ZDHHC15: variants seen among roughly 807,000 people sequenced by gnomAD.
The protein encoded by ZDHHC15 is palmitoyltransferase ZDHHC15.
In ZDHHC15, 19 loss-of-function variants were observed where a neutral mutation model predicts 31.7. That is an observed-to-expected ratio of 0.60 (90% CI 0.42 to 0.88). The LOEUF (loss-of-function observed/expected upper bound fraction) is 0.88. ZDHHC15 is among the 40% of genes least tolerant of loss of function. The pLI, the probability that ZDHHC15 is intolerant of heterozygous loss-of-function variation, is 0.00. For missense variants in ZDHHC15, 209 were observed against 251.2 expected (o/e 0.83, Z 1.14); for synonymous variants, 103 against 90.0 (o/e 1.14, Z -0.82).
chrX:75,479,899 G>C (rs373735413), intron 2 of ZDHHC15, among the ~76,000 whole-genome samples: 2 of 111,639 alleles, frequency 1.8e-5, no homozygotes, highest in African/African-American at 6.5e-5. Flanking sequence ...TTTGAAGTGT[G>C]GGTTGTACTT....
chrX:75,490,580 G>A (rs1266955766), intron 2 of ZDHHC15, among the ~76,000 whole-genome samples: 1 of 111,565 alleles, frequency 9.0e-6, no homozygotes, highest in Non-Finnish European at 1.9e-5. Flanking sequence ...ATTACCTTGG[G>A]CAGTATGGCA....
intron 4 of ZDHHC15, among the ~76,000 whole-genome samples, chrX:75,446,397 T>A (rs2084034262): frequency 1.8e-5 from 2 of 111,620 alleles, no homozygotes; most frequent in South Asian, 7.5e-4. Context: ...TTAGAATAGT[T>A]CTTCTCACTC....
At chrX:75,461,586 A>G (rs1002078009) in intron 3 of ZDHHC15, among the ~76,000 whole-genome samples, 2 of 112,183 alleles carry the variant, frequency 1.8e-5, no homozygotes, top group Admixed American at 1.9e-4. Flanking sequence ...CAGATCTCCC[A>G]GTGGAAACCC....
intron 2 of ZDHHC15, among the ~76,000 whole-genome samples, chrX:75,493,579 C>T (rs1170642692): frequency 8.9e-6 from 1 of 111,762 alleles, no homozygotes. Context: ...AAAAGCTTAT[C>T]CACCATGATC....
chrX:75,399,236 TA>T (rs750843142), intron 10 of ZDHHC15, among the ~76,000 whole-genome samples: 1 of 111,529 alleles, frequency 9.0e-6, no homozygotes, highest in African/African-American at 3.3e-5. Context: ...ACTAAGCTAG[TA>T]CCAACTCAGC....
chrX:75,498,598 C>T (rs756665833), intron 2 of ZDHHC15, among the ~76,000 whole-genome samples: 18 of 111,866 alleles, frequency 1.6e-4, no homozygotes, highest in African/African-American at 5.8e-4. Flanking sequence ...AAGACTTCTA[C>T]AAGGAAAACT....
intron 11 of ZDHHC15, among the ~76,000 whole-genome samples, chrX:75,375,145 CCAAGTTGCACTCAAAAAATGAT>C (rs2083046857): frequency 9.0e-6 from 1 of 111,444 alleles, no homozygotes; most frequent in Non-Finnish European, 1.9e-5. Context: ...ATACGTGTTT[CCAAGTTGCACTCAAAAAATGAT>C]CTATGAATTT....
intron 3 of ZDHHC15, among the ~76,000 whole-genome samples, chrX:75,472,519 G>A (rs1206781615): frequency 8.9e-6 from 1 of 112,172 alleles, no homozygotes; most frequent in African/African-American, 3.2e-5. Context: ...TTGGAAAATT[G>A]GTGACAAAGA....
At chrX:75,449,498 G>T (rs1351754793) in intron 4 of ZDHHC15, among the ~76,000 whole-genome samples, 1 of 110,994 alleles carries the variant, frequency 9.0e-6, no homozygotes, top group Non-Finnish European at 1.9e-5. Flanking sequence ...TCTTCCACTG[G>T]CTTTTTACTT....
At chrX:75,378,648 C>T (rs970130160) in intron 11 of ZDHHC15, among the ~76,000 whole-genome samples, 1 of 111,720 alleles carries the variant, frequency 9.0e-6, no homozygotes, top group African/African-American at 3.3e-5. Context: ...AAGTTGTCTG[C>T]CACTACTTAA....
At chrX:75,479,988 G>C (rs1054017023) in intron 2 of ZDHHC15, among the ~76,000 whole-genome samples, 2 of 111,108 alleles carry the variant, frequency 1.8e-5, no homozygotes, top group Non-Finnish European at 3.8e-5. Flanking sequence ...TCTCATATGC[G>C]ATATTTTGGT....
chrX:75,500,170 T>A (rs1329464327), intron 2 of ZDHHC15, among the ~76,000 whole-genome samples: 2 of 109,527 alleles, frequency 1.8e-5, no homozygotes, highest in African/African-American at 6.6e-5. Context: ...CTGGGTTCAG[T>A]GTACAGTTTG....
intron 2 of ZDHHC15, among the ~76,000 whole-genome samples, chrX:75,490,797 G>A (rs964100650): frequency 1.8e-5 from 2 of 111,629 alleles, no homozygotes; most frequent in Admixed American, 9.5e-5. Flanking sequence ...CTGTTTGTCT[G>A]TTATTGGTGT....
intron 2 of ZDHHC15, 84 bp downstream of exon 2, chrX:75,505,737 C>T (rs1366972900): frequency 1.5e-5 from 16 of 1,050,691 alleles, no homozygotes; most frequent in Admixed American, 5.4e-5. Flanking sequence ...GAAAATTGCT[C>T]GGTCTATAGG....
intron 10 of ZDHHC15, among the ~76,000 whole-genome samples, chrX:75,386,949 T>C (rs2083186424): frequency 9.0e-6 from 1 of 111,498 alleles, no homozygotes; most frequent in African/African-American, 3.3e-5. Context: ...GAGAAACTGA[T>C]TTTACCTTCC....
chrX:75,420,836 G>A (rs1240246102), intron 9 of ZDHHC15, among the ~76,000 whole-genome samples: 2 of 110,242 alleles, frequency 1.8e-5, no homozygotes, highest in African/African-American at 6.6e-5. Context: ...GATAGCATTA[G>A]GAGAAATACC....
At chrX:75,451,398 C>T (rs192531561) in intron 3 of ZDHHC15, among the ~76,000 whole-genome samples, 6 of 112,416 alleles carry the variant, frequency 5.3e-5, no homozygotes, top group African/African-American at 1.9e-4. Context: ...CTGCTTGTAA[C>T]ATTGTCTGCA....
chrX:75,398,353 G>A (rs963392865), intron 10 of ZDHHC15, among the ~76,000 whole-genome samples: 13 of 112,485 alleles, frequency 1.2e-4, no homozygotes, highest in South Asian at 3.7e-4. Context: ...GCTTTAAGCC[G>A]GCGCCTGATC....
chrX:75,399,588 C>T (rs1343424553), intron 10 of ZDHHC15, among the ~76,000 whole-genome samples: 1 of 111,559 alleles, frequency 9.0e-6, no homozygotes, highest in Non-Finnish European at 1.9e-5. Context: ...ACAACCACTA[C>T]TAAGATCTCC....
Sources: gnomAD v4.1 joint callset for allele counts (sites outside exome capture counted in the v4.1 genomes callset) on GRCh38, gnomAD v4.1.1 for gene constraint, MANE v1.5 for transcripts, NCBI Gene and HGNC (gene_info 2026-07-23, HGNC 2026-07-21) for gene names.